Variants in RGS6 observed in about 807,000 individuals in gnomAD.
RGS6 encodes the protein regulator of G-protein signaling 6.
Under a neutral mutation model 78.5 loss-of-function variants are expected in RGS6, and 30 were observed. The observed-to-expected ratio is 0.38, with a 90% CI of 0.29 to 0.52. The LOEUF (loss-of-function observed/expected upper bound fraction) is 0.52, where lower values mean the gene tolerates loss of function less well. RGS6 is among the 20% of genes least tolerant of loss of function. The pLI, the probability that RGS6 is intolerant of heterozygous loss-of-function variation, is 0.85. For synonymous variants in RGS6, 206 were observed against 206.0 expected (o/e 1.00, Z 0.00); for missense variants, 495 against 609.7 (o/e 0.81, Z 1.98).
chr14:71,875,280 T>C, the RGS6 span, among the ~76,000 whole-genome samples: 1 of 152,110 alleles, frequency 6.6e-6, no homozygotes, highest in African/African-American at 2.4e-5. Flanking sequence ...GTCCTGGACT[T>C]TTTTTGGTTG....
At chr14:72,566,700 C>T (rs1020772827), downstream of RGS6, among the ~76,000 whole-genome samples, 5 of 148,882 alleles carry the variant, frequency 3.4e-5, no homozygotes, top group African/African-American at 1.2e-4. Context: ...CTTCTCACTC[C>T]CAACCAGGCT....
chr14:71,886,686 T>C, the RGS6 span, among the ~76,000 whole-genome samples: 1 of 152,226 alleles, frequency 6.6e-6, no homozygotes, highest in Non-Finnish European at 1.5e-5. Flanking sequence ...TTTAATTTGG[T>C]TGGTTTGTTT....
chr14:72,510,391 A>C, intron 14 of RGS6, 112 bp downstream of exon 14: 1 of 1,359,112 alleles, frequency 7.4e-7, no homozygotes. Flanking sequence ...TCAAATTCAA[A>C]TGCCAGCTAA....
intron 2 of RGS6, among the ~76,000 whole-genome samples, chr14:71,999,217 G>C (rs1480045033): frequency 2.0e-5 from 3 of 152,226 alleles, no homozygotes; most frequent in Admixed American, 6.5e-5. Context: ...ACCGGAGAGC[G>C]TCAGTCGAAG....
rs79122444 is a variant in RGS6 at position 72,529,346 on chromosome 14, G to C, written c.1279-6840G>C. On this transcript the variant is annotated intron_variant, in intron 15 of 17. Transcript: ENST00000553525. The stretch of plus-strand genomic sequence containing the variant: ...GTTGTTCCCTTGAAGGGTGGTTCAG[G>C]CTGTTATAATGGTGGTCAAGGGCTA... Among the ~76,000 whole-genome samples the C allele has an allele frequency of 4.4e-3, 664 of 152,322 alleles. 6 individuals carry two copies. The highest frequency in any genetic ancestry group is 0.016 in the African/African-American group (650 of 41,554).
intron 10 of RGS6, among the ~76,000 whole-genome samples, chr14:72,475,853 C>CACACAT (rs56346600): frequency 6.6e-6 from 1 of 151,266 alleles, no homozygotes; most frequent in African/African-American, 2.4e-5. Context: ...CACACACACA[C>CACACAT]TAGACATGGC....
At chr14:72,466,435 A>C (rs1026258533) in intron 7 of RGS6, among the ~76,000 whole-genome samples, 2 of 152,246 alleles carry the variant, frequency 1.3e-5, no homozygotes, top group African/African-American at 4.8e-5. Flanking sequence ...CTATAAACTA[A>C]TGTTCATACA....
chr14:72,337,657 A>G (rs1365459392), intron 2 of RGS6, among the ~76,000 whole-genome samples: 1 of 152,170 alleles, frequency 6.6e-6, no homozygotes. Context: ...GCCCTGCCTG[A>G]CTATGCTGCA....
rs1389952344 is a variant in RGS6 at position 71,964,788 on chromosome 14, C to A, written c.-4C>A. 25 of 1,612,320 alleles carry A rather than the reference C, an allele frequency of 1.6e-5. No individual in the cohort carries two copies. Among genetic ancestry groups the A allele is most frequent in the Non-Finnish European group, 2.0e-5 (24 of 1,179,356 alleles). Reference sequence around the variant, plus strand: ...TTTTTGCAGTGTGAGTGAAGACACTCAGGATGGCTCAAGGATCCGGGGATC... The same window carrying A: ...TTTTTGCAGTGTGAGTGAAGACACTAAGGATGGCTCAAGGATCCGGGGATC... On this transcript the variant is annotated 5_prime_UTR_variant, in exon 2 of 18. Transcript: ENST00000553525.
the RGS6 span, among the ~76,000 whole-genome samples, chr14:72,581,466 A>C: frequency 1.3e-5 from 2 of 152,070 alleles, no homozygotes; most frequent in African/African-American, 2.4e-5. Flanking sequence ...AGCCCTCTTC[A>C]ATCTATTTTC....
intron 2 of RGS6, among the ~76,000 whole-genome samples, chr14:72,105,150 G>A (rs973246134): frequency 8.5e-5 from 13 of 152,092 alleles, no homozygotes; most frequent in African/African-American, 3.1e-4. Context: ...ATATAGGGAG[G>A]GAATGATGAT....
intron 3 of RGS6, among the ~76,000 whole-genome samples, chr14:72,373,850 A>G (rs1001106161): frequency 6.6e-6 from 1 of 152,118 alleles, no homozygotes; most frequent in African/African-American, 2.4e-5. Flanking sequence ...GTAAAGATTT[A>G]ATGATGAAAA....
chr14:72,031,519 A>G lies in RGS6; in HGVS notation c.84+66644A>G, dbSNP rs190816569. ...ACTCCTCAAATCTTAGTGACTTAAG[A>G]CAACAAAGGTTTATTACATGGATAA... On this transcript the variant is annotated intron_variant, in intron 2 of 17. Transcript: ENST00000553525. 2.0e-5 allele frequency among the ~76,000 whole-genome samples: 3 copies of G among 152,338 alleles called. No homozygotes were observed. The East Asian group carries it at 5.8e-4, about 29-fold the overall frequency.
rs533031969 is a variant in RGS6, at chr14:71,936,606, G to T, written c.-21+3665G>T. Among the ~76,000 whole-genome samples the T allele has an allele frequency of 1.2e-3, 185 of 152,218 alleles. 2 individuals are homozygous for T. Among genetic ancestry groups the T allele is most frequent in the Admixed American group, 1.9e-3 (29 of 15,284 alleles). ...AAGACAATAATGAGGTCAAAATTGT[G>T]CATAACATAATACAACTATCCTTTG... On this transcript the variant is annotated intron_variant, in intron 1 of 17. Transcript: ENST00000553525.
At chr14:72,300,231 A>G (rs1351965892) in intron 2 of RGS6, among the ~76,000 whole-genome samples, 1 of 152,004 alleles carries the variant, frequency 6.6e-6, no homozygotes, top group Non-Finnish European at 1.5e-5. Flanking sequence ...CTGCTTTAAC[A>G]TAGATTTCCA....
At chr14:72,068,054 TGGG>T (rs892641876) in intron 2 of RGS6, among the ~76,000 whole-genome samples, 1 of 152,096 alleles carries the variant, frequency 6.6e-6, no homozygotes, top group Non-Finnish European at 1.5e-5. Flanking sequence ...GAAATGCTGA[TGGG>T]GGGATACTTT....
intron 12 of RGS6, among the ~76,000 whole-genome samples, chr14:72,485,144 C>T (rs1232861350): frequency 6.6e-6 from 1 of 152,070 alleles, no homozygotes; most frequent in Non-Finnish European, 1.5e-5. Flanking sequence ...AATCAGGAGT[C>T]AGGGATAAAG....
chr14:72,540,538 A>C, intron 17 of RGS6: 1 of 1,572,774 alleles, frequency 6.4e-7, no homozygotes, highest in Non-Finnish European at 8.6e-7. Context: ...CCTGGCAGTC[A>C]CGCCGGTGTG....
chr14:72,524,564 G>T (rs2097095506), intron 15 of RGS6, among the ~76,000 whole-genome samples: 1 of 152,186 alleles, frequency 6.6e-6, no homozygotes, highest in African/African-American at 2.4e-5. Context: ...GAGTACCAAG[G>T]ATGTTCCAAG....
Sources: gnomAD v4.1 joint callset for allele counts (sites outside exome capture counted in the v4.1 genomes callset) on GRCh38, gnomAD v4.1.1 for gene constraint, MANE v1.5 for transcripts, NCBI Gene and HGNC (gene_info 2026-07-23, HGNC 2026-07-21) for gene names.